Variants in MON1B observed in about 807,000 individuals in gnomAD.
MON1B encodes the protein MON1 vesicular trafficking associated B.
In MON1B, 26 loss-of-function variants were observed where a neutral mutation model predicts 45.1. The ratio of observed to expected loss-of-function variants is 0.58; its 90% CI spans 0.42 to 0.80. The LOEUF is 0.80. Among genes scored for constraint, MON1B ranks in the 30% least tolerant of loss-of-function variants. The pLI is 0.00. For missense variants in MON1B, 737 were observed against 754.5 expected (o/e 0.98, Z 0.27); for synonymous variants, 395 against 320.2 (o/e 1.23, Z -2.49).
At chr16:77,197,270 G>A (rs1457176056) in intron 5 of MON1B, among the ~76,000 whole-genome samples, 3 of 151,868 alleles carry the variant, frequency 2.0e-5, no homozygotes, top group Non-Finnish European at 4.4e-5. Context: ...GGTGGCATGC[G>A]CTTGTATCCC....
At chr16:77,192,521 A>C (rs2054624884) in intron 2 of MON1B, among the ~76,000 whole-genome samples, 1 of 152,168 alleles carries the variant, frequency 6.6e-6, no homozygotes, top group African/African-American at 2.4e-5. Context: ...GTGAATGTTA[A>C]TGATGGTCAT....
In MON1B at chr16:77,198,309, T is replaced by G; in HGVS notation, c.*1T>G. The stretch of plus-strand genomic sequence containing the variant: ...TAATGGCTTGTTCACTGGACTCTGA[T>G]AGTTGGAGCTCCCAGACCAGGCAGT... On this transcript the variant is annotated 3_prime_UTR_variant, in exon 6 of 6. Transcript: ENST00000248248. 1 of 1,613,828 alleles carries G rather than the reference T, an allele frequency of 6.2e-7. No individual in the cohort carries two copies. Among genetic ancestry groups the G allele is most frequent in the South Asian group, 1.1e-5 (1 of 91,078 alleles).
In MON1B at chr16:77,193,597, G is replaced by T. The variant is rs761336528; in HGVS notation, c.295G>T (p.Asp99Tyr). ...GAGTAGCTCTGGAGGCCAGGGCGGG[G>T]ACCCCAGTGATGAGGAGTGGCGCAG... Reference protein sequence around the residue: ...PESSSGGQGGDPSDEEWRSQR... With the variant: ...PESSSGGQGGYPSDEEWRSQR... Residue 99 changes from aspartate (D) to tyrosine (Y), a missense_variant, in exon 3 of 6, where the codon GAC (aspartate) becomes TAC (tyrosine). Transcript: ENST00000248248. The surrounding 1 kb of genome is among the most constrained non-coding windows in gnomAD (Gnocchi z 5.0). 1 of 1,614,084 alleles carries T rather than the reference G, an allele frequency of 6.2e-7. No homozygotes were observed. Among genetic ancestry groups the T allele is most frequent in the Non-Finnish European group, 8.5e-7 (1 of 1,179,958 alleles).
chr16:77,191,964 C>T (rs1271484588), intron 2 of MON1B, among the ~76,000 whole-genome samples: 1 of 151,820 alleles, frequency 6.6e-6, no homozygotes, highest in Non-Finnish European at 1.5e-5. Flanking sequence ...ATAGACTCAA[C>T]AGAGGAGGAC....
chr16:77,198,453 A>T lies in MON1B; in HGVS notation c.*145A>T. ...TGGGGCAAGGTCTGAGGGCCCACCG[A>T]TGAGAGAGATGGTGGCAGCCGCCAG... On this transcript the variant is annotated 3_prime_UTR_variant, in exon 6 of 6. Coordinates refer to ENST00000248248, the MANE Select transcript of MON1B (RefSeq NM_014940.4). 2.3e-6 allele frequency: 2 copies of T among 864,096 alleles called. No individual in the cohort carries two copies. The highest frequency in any genetic ancestry group is 3.4e-5 in the South Asian group (2 of 58,846). The allele number at this position is 864,096 out of a possible 1,614,324, so 53.5% of individuals were successfully genotyped here.
rs756127985 is a variant in MON1B at position 77,195,146 on chromosome 16, G to A, written c.1287G>A (p.Gln429=). The change falls in exon 4 of 6, where the codon CAG becomes CAA. Residue 429 remains glutamine (Q), a synonymous_variant. Coordinates refer to ENST00000248248, the MANE Select transcript of MON1B (RefSeq NM_014940.4). ...CTGACCACCACCGCCAACTGCCCCA[G>A]TTTACCAGGTAGGCCCTGACCCTAA... ...DIPDHHRQLP[Q]FTSPELEAPY... The A allele has an allele frequency of 1.9e-6, 3 of 1,591,894 alleles. No homozygotes were observed. The South Asian group carries it at 3.3e-5, about 18-fold the overall frequency.
rs1467370189 is a variant in MON1B, at chr16:77,200,843, T to C, written c.*2535T>C. On this transcript the variant is annotated 3_prime_UTR_variant, in exon 6 of 6. Transcript: ENST00000248248. Reference sequence around the variant, plus strand: ...CTAGCATTTTTTTGTTATAGAAATATTCAAAGTGTACCAACGTAGAGAAAA... The same window carrying C: ...CTAGCATTTTTTTGTTATAGAAATACTCAAAGTGTACCAACGTAGAGAAAA... 1.3e-5 allele frequency: 2 copies of C among 151,916 alleles called. No individual in the cohort carries two copies. The highest frequency in any genetic ancestry group is 2.9e-5 in the Non-Finnish European group (2 of 68,000). The allele number at this position is 151,916 out of a possible 1,614,324, so 9.4% of individuals were successfully genotyped here.
intron 5 of MON1B, 64 bp from the exon 6 acceptor site, chr16:77,198,044 G>C: frequency 6.6e-7 from 1 of 1,512,248 alleles, no homozygotes; most frequent in Non-Finnish European, 9.2e-7. Flanking sequence ...GCTGCACTGG[G>C]GTAGGCAGGA....
chr16:77,199,502 G>C lies in MON1B; in HGVS notation c.*1194G>C. 1 of 1,551,458 alleles carries C rather than the reference G, an allele frequency of 6.4e-7. No individual in the cohort carries two copies. Among genetic ancestry groups the C allele is most frequent in the South Asian group, 1.2e-5 (1 of 84,042 alleles). ...ATGTGGAGGCGCCAGAAGCTACTGAGGAGGCTGAAGGTAGTGAGGGCAAGT... is the reference window on the plus strand; with the variant it reads ...ATGTGGAGGCGCCAGAAGCTACTGACGAGGCTGAAGGTAGTGAGGGCAAGT... On this transcript the variant is annotated 3_prime_UTR_variant, in exon 6 of 6. Transcript: ENST00000248248.
chr16:77,198,006 G>C (rs891977487), intron 5 of MON1B, 102 bp from the exon 6 acceptor site: 1 of 1,177,742 alleles, frequency 8.5e-7, no homozygotes. Flanking sequence ...CCAGGTACAT[G>C]TTCCAGGTTG....
At chr16:77,195,813 A>C (rs1277278407) in intron 5 of MON1B, 131 bp downstream of exon 5, 3 of 1,086,674 alleles carry the variant, frequency 2.8e-6, no homozygotes, top group African/African-American at 3.2e-5. Flanking sequence ...CTTGCCTGCA[A>C]CACTGTCCCT....
At position 77,191,649 on chromosome 16, in the gene MON1B, G is replaced by A. The variant is rs372727263; in HGVS notation, c.148+16G>A. 9 of 1,606,688 alleles carry A rather than the reference G, an allele frequency of 5.6e-6. 1 individual carries two copies. The South Asian group carries it at 1.0e-4, about 18-fold the overall frequency. On this transcript the variant is annotated intron_variant, in intron 2 of 5. Transcript: ENST00000248248. ...GAGGAAACAGGTATGACTCCACTTA[G>A]TGGGGTCTTAAAAGGAATCCTTAGG...
In MON1B at chr16:77,201,870, G is replaced by T. The variant is rs1486892990; in HGVS notation, c.*3562G>T. 2 of 152,112 alleles carry T rather than the reference G, an allele frequency of 1.3e-5. No homozygotes were observed. The highest frequency in any genetic ancestry group is 2.9e-5 in the Non-Finnish European group (2 of 68,018). The allele number at this position is 152,112 out of a possible 1,614,324, so 9.4% of individuals were successfully genotyped here. A position where few individuals can be genotyped will look rare whatever the true frequency, so the allele number is the denominator to read the frequency against. ...TATTGACACACAAGGAGCTCCAAAA[G>T]AGATCGTATTTTTATTAGAGACAAG... On this transcript the variant is annotated 3_prime_UTR_variant, in exon 6 of 6. Coordinates refer to ENST00000248248, the MANE Select transcript of MON1B (RefSeq NM_014940.4).
chr16:77,194,306 CCCCCCCTT>C lies in MON1B; in HGVS notation c.476-27_476-20del. On this transcript the variant is annotated intron_variant, in intron 3 of 5. Transcript: ENST00000248248. The surrounding 1 kb of genome is among the most constrained non-coding windows in gnomAD (Gnocchi z 8.1). Reference sequence around the variant, plus strand: ...TCTGGTCATTCCTGATCCAGCTGTACCCCCCCTTCTTACCCCTTCCTTCCCTAGAGGAC... The same window carrying C: ...TCTGGTCATTCCTGATCCAGCTGTACCTTACCCCTTCCTTCCCTAGAGGAC... 6.4e-7 allele frequency: 1 copy of C among 1,567,802 alleles called. No individual in the cohort carries two copies. The highest frequency in any genetic ancestry group is 1.3e-5 in the African/African-American group (1 of 74,308).
Position 77,200,291 on chromosome 16 carries a change from T to TATATATATATATATATATACACACACAC in MON1B, c.*1984_*1985insTATATATATATATATATACACACACACA. ...ATATATGTGTATATATATATATATATACACACACTAATCAGCCGGGCGCGG... is the reference window on the plus strand; with the variant it reads ...ATATATGTGTATATATATATATATATATATATATATATATATATACACACACACACACACACTAATCAGCCGGGCGCGG... On this transcript the variant is annotated 3_prime_UTR_variant, in exon 6 of 6. Coordinates refer to ENST00000248248, the MANE Select transcript of MON1B (RefSeq NM_014940.4). The TATATATATATATATATATACACACACAC allele has an allele frequency of 9.0e-5, 10 of 111,426 alleles. No individual in the cohort carries two copies. The highest frequency in any genetic ancestry group is 3.4e-4 in the African/African-American group (10 of 29,766). The allele number at this position is 111,426 out of a possible 1,614,324, so 6.9% of individuals were successfully genotyped here. A position where few individuals can be genotyped will look rare whatever the true frequency, so the allele number is the denominator to read the frequency against.
At chr16:77,196,425 G>A (rs991056926) in intron 5 of MON1B, among the ~76,000 whole-genome samples, 1 of 152,156 alleles carries the variant, frequency 6.6e-6, no homozygotes, top group Non-Finnish European at 1.5e-5. Flanking sequence ...TGGTCAGATG[G>A]TGGTTTTCCT....
chr16:77,191,422 G>T, intron 1 of MON1B, 54 bp from the exon 2 acceptor site: 1 of 1,575,240 alleles, frequency 6.3e-7, no homozygotes, highest in Middle Eastern at 2.0e-4. Flanking sequence ...CTCTATAAAG[G>T]CTTTTCAGAA....
At position 77,193,244 on chromosome 16, in the gene MON1B, G is replaced by A. The variant is rs975703708; in HGVS notation, c.149-207G>A. ...ATATGTTGGTTTATTAGGGTTTTAG[G>A]AAGTTCATTGGAACCTAAATGTTAG... On this transcript the variant is annotated intron_variant, in intron 2 of 5. Coordinates refer to ENST00000248248, the MANE Select transcript of MON1B (RefSeq NM_014940.4). The surrounding 1 kb of genome is among the most constrained non-coding windows in gnomAD (Gnocchi z 5.0). Among the ~76,000 whole-genome samples the A allele has an allele frequency of 2.6e-5, 4 of 152,108 alleles. No individual in the cohort carries two copies. The highest frequency in any genetic ancestry group is 5.9e-5 in the Non-Finnish European group (4 of 68,006).
At chr16:77,192,877 C>T (rs934821193) in intron 2 of MON1B, among the ~76,000 whole-genome samples, 36 of 151,854 alleles carry the variant, frequency 2.4e-4, no homozygotes, top group African/African-American at 7.8e-4. Flanking sequence ...TGGATATTAA[C>T]GACAGTCATT....
Sources: gnomAD v4.1 joint callset for allele counts (sites outside exome capture counted in the v4.1 genomes callset) on GRCh38, gnomAD v4.1.1 for gene constraint, Gnocchi (gnomAD v3.1) non-coding constraint, MANE v1.5 for transcripts, NCBI Gene and HGNC (gene_info 2026-07-23, HGNC 2026-07-21) for gene names.